The following ARHGAP11B variants were observed in gnomAD, a reference collection of about 807,000 sequenced individuals.
ARHGAP11B encodes inactive Rho GTPase-activating protein 11B.
ARHGAP11B carries 14 observed loss-of-function variants against 27.6 expected under a neutral mutation model. The observed-to-expected ratio is 0.51, with a 90% CI of 0.34 to 0.79. The LOEUF (loss-of-function observed/expected upper bound fraction) is 0.79. ARHGAP11B is among the 30% of genes least tolerant of loss of function. The pLI, the probability that ARHGAP11B is intolerant of heterozygous loss-of-function variation, is 0.02. For missense variants in ARHGAP11B, 245 were observed against 320.1 expected, an observed-to-expected ratio of 0.77 and a Z score of 1.79; for synonymous variants, 82 against 114.1, an observed-to-expected ratio of 0.72 and a Z score of 1.80.
In ARHGAP11B at chr15:30,648,793, T is replaced by G. The variant is rs1186206081; in HGVS notation, c.*861T>G. On this transcript the variant is annotated 3_prime_UTR_variant, in exon 11 of 11. Transcript: ENST00000428041. ...CAGTGGTATAATAATTATTCTTCGA[T>G]GCTGGTAAAATATGGGTGAAACAAT... The G allele has an allele frequency of 3.3e-5, 5 of 152,006 alleles. No homozygotes were observed. In the East Asian group the frequency reaches 9.7e-4, roughly 29 times the overall value. 9.4% of individuals were successfully genotyped at this position (152,006 alleles called of 1,614,324 possible). A position where few individuals can be genotyped will look rare whatever the true frequency, so the allele number is the denominator to read the frequency against.
intron 1 of ARHGAP11B, among the ~76,000 whole-genome samples, chr15:30,628,441 G>C (rs971603011): frequency 6.6e-6 from 1 of 152,050 alleles, no homozygotes; most frequent in Non-Finnish European, 1.5e-5. Context: ...ACCTGAGTTT[G>C]AGTGCTGTTC....
In ARHGAP11B at chr15:30,641,932, G is replaced by C. The variant is rs569783619; in HGVS notation, c.*79-2707G>C. Among the ~76,000 whole-genome samples the C allele has an allele frequency of 1.3e-4, 19 of 151,994 alleles. No individual in the cohort carries two copies. The East Asian group carries it at 3.5e-3, about 28-fold the overall frequency. On this transcript the variant is annotated intron_variant, in intron 7 of 10. Coordinates refer to ENST00000428041, the Ensembl canonical transcript of ARHGAP11B. Reference sequence around the variant, plus strand: ...GGATTTCACCATGTTGGCCAGGCTCGTTTGAACTCCTGGCCTCAAGCAATC... The same window carrying C: ...GGATTTCACCATGTTGGCCAGGCTCCTTTGAACTCCTGGCCTCAAGCAATC...
chr15:30,646,786 G>C (rs969223497), intron 9 of ARHGAP11B, among the ~76,000 whole-genome samples: 7 of 151,652 alleles, frequency 4.6e-5, no homozygotes, highest in Non-Finnish European at 7.4e-5. Flanking sequence ...CCTGGCCAAC[G>C]TGGTGAAACC....
intron 7 of ARHGAP11B, among the ~76,000 whole-genome samples, chr15:30,643,371 C>T (rs769891847): frequency 2.1e-4 from 32 of 151,546 alleles, no homozygotes; most frequent in Non-Finnish European, 4.0e-4. Flanking sequence ...CTCTGCCGAC[C>T]GGGTTCAAGC....
At chr15:30,644,556 T>C in intron 7 of ARHGAP11B, 1 of 773,510 alleles carries the variant, frequency 1.3e-6, no homozygotes, top group Non-Finnish European at 2.1e-6. Context: ...CCTCATTGAT[T>C]TATTATCTGA....
chr15:30,626,653 A>G, exon 1 of ARHGAP11B: 1 of 908,552 alleles, frequency 1.1e-6, no homozygotes, highest in Non-Finnish European at 1.6e-6. Context: ...AGTGAGGATC[A>G]AGGAAAAGCC....
exon 11 of ARHGAP11B, chr15:30,648,707 C>T (rs2060367375): frequency 6.6e-6 from 1 of 151,932 alleles, no homozygotes; most frequent in African/African-American, 2.4e-5. Flanking sequence ...GCTTGCTTAT[C>T]TCATGACTGT....
chr15:30,640,083 G>A (rs1485483822), intron 7 of ARHGAP11B, among the ~76,000 whole-genome samples: 1 of 142,114 alleles, frequency 7.0e-6, no homozygotes, highest in Non-Finnish European at 1.5e-5. Context: ...TAGCATTGAT[G>A]CTTAGGTTTT....
chr15:30,649,038 CT>C (rs1209371242), exon 11 of ARHGAP11B: 2 of 151,980 alleles, frequency 1.3e-5, no homozygotes, highest in Admixed American at 6.6e-5. Flanking sequence ...GGCGTGCCCC[CT>C]GTTGACATTT....
intron 7 of ARHGAP11B, among the ~76,000 whole-genome samples, chr15:30,640,771 GA>G (rs1019320940): frequency 6.6e-6 from 1 of 151,888 alleles, no homozygotes; most frequent in Non-Finnish European, 1.5e-5. Context: ...AGGTTTTCCA[GA>G]AAAAACACTT....
intron 8 of ARHGAP11B, chr15:30,644,724 C>T (rs1351568421): frequency 6.1e-6 from 9 of 1,473,594 alleles, no homozygotes; most frequent in Non-Finnish European, 8.4e-6. Flanking sequence ...AAGGACTTAT[C>T]GAACATGTAG....
intron 7 of ARHGAP11B, among the ~76,000 whole-genome samples, chr15:30,644,338 T>A (rs1480905204): frequency 6.6e-6 from 1 of 152,070 alleles, no homozygotes; most frequent in African/African-American, 2.4e-5. Context: ...CAATAGATAT[T>A]TGTTGAATGA....
chr15:30,626,609 G>A (rs891377286), exon 1 of ARHGAP11B: 2 of 642,520 alleles, frequency 3.1e-6, no homozygotes, highest in Non-Finnish European at 5.2e-6. Flanking sequence ...TGGATCAAAG[G>A]GCTAAGAGAA....
At chr15:30,638,989 A>G (rs916180022) in intron 7 of ARHGAP11B, among the ~76,000 whole-genome samples, 179 bp downstream of exon 7, 1 of 151,984 alleles carries the variant, frequency 6.6e-6, no homozygotes, top group African/African-American at 2.4e-5. Flanking sequence ...GACATTGCTA[A>G]TTACATAGGC....
intron 1 of ARHGAP11B, among the ~76,000 whole-genome samples, chr15:30,627,515 A>G (rs1445671516): frequency 2.6e-5 from 4 of 152,062 alleles, no homozygotes; most frequent in Non-Finnish European, 5.9e-5. Flanking sequence ...CATATTCACT[A>G]ATTTGGGAAA....
At chr15:30,630,387 C>A (rs2140890580) in intron 1 of ARHGAP11B, among the ~76,000 whole-genome samples, 1 of 151,526 alleles carries the variant, frequency 6.6e-6, no homozygotes, top group East Asian at 1.9e-4. Flanking sequence ...GGACCAAATT[C>A]TGTTTTAAGA....
chr15:30,630,551 G>T (rs1442366098), intron 1 of ARHGAP11B, 152 bp from the exon 2 acceptor site: 1 of 1,400,818 alleles, frequency 7.1e-7, no homozygotes, highest in Non-Finnish European at 9.7e-7. Flanking sequence ...GTTATCAAAT[G>T]CACTTGAAAT....
intron 7 of ARHGAP11B, among the ~76,000 whole-genome samples, chr15:30,639,667 A>G (rs1023354969): frequency 6.6e-6 from 1 of 152,012 alleles, no homozygotes; most frequent in African/African-American, 2.4e-5. Flanking sequence ...CTAAGTGTAA[A>G]TTGCCATGCC....
chr15:30,636,233 A>G (rs2060278935), intron 6 of ARHGAP11B, among the ~76,000 whole-genome samples: 1 of 152,016 alleles, frequency 6.6e-6, no homozygotes, highest in Non-Finnish European at 1.5e-5. Context: ...AGTAGGGAGA[A>G]TGGTCAGCAA....
Sources: allele counts gnomAD v4.1 joint callset (sites outside exome capture counted in the v4.1 genomes callset), GRCh38; gene constraint gnomAD v4.1.1; transcripts MANE v1.5; gene names NCBI Gene and HGNC (gene_info 2026-07-23, HGNC 2026-07-21).